The following PIEZO2 variants were observed in gnomAD, a reference collection of about 807,000 sequenced individuals.
The protein encoded by PIEZO2 is piezo type mechanosensitive ion channel component 2.
A neutral mutation model predicts 337.3 loss-of-function variants in PIEZO2; 172 were observed. That is an observed-to-expected ratio of 0.51 (90% CI 0.45 to 0.58). The LOEUF (loss-of-function observed/expected upper bound fraction) is 0.58, where lower values mean the gene tolerates loss of function less well. Among genes scored for constraint, PIEZO2 ranks in the 20% least tolerant of loss-of-function variants. PIEZO2 has a pLI of 0.00. For missense variants in PIEZO2, 3,028 were observed against 3,391.3 expected, an observed-to-expected ratio of 0.89 and a Z score of 2.66; for synonymous variants, 1,251 against 1,228.5, an observed-to-expected ratio of 1.02 and a Z score of -0.38.
rs1008166026 is a variant in PIEZO2 at position 11,110,810 on chromosome 18, C to A, written c.64+37715G>T. On this transcript the variant is annotated intron_variant, in intron 1 of 55. Coordinates refer to ENST00000674853, the MANE Select transcript of PIEZO2 (RefSeq NM_001378183.1). This position sits in a 1 kb window ranked among gnomAD's most constrained non-coding sequence, Gnocchi z 4.2. ...TTCCTTTGGAACACACAGTATTGAC[C>A]AGCACAGTGTTTTAAACTTGAAGTA... is the stretch of plus-strand genomic sequence containing the variant. 2.6e-5 allele frequency among the ~76,000 whole-genome samples: 4 copies of A among 151,972 alleles called. No homozygotes were observed. Among genetic ancestry groups the A allele is most frequent in the Non-Finnish European group, 5.9e-5 (4 of 67,980 alleles).
At position 11,033,910 on chromosome 18, in the gene PIEZO2, G is replaced by A. The variant is rs1014053891; in HGVS notation, c.160+32217C>T. ...AAATATTATCTTCAGACTTTACCGG[G>A]TTGGTTTATAACTTTAATACCTGAA... On this transcript the variant is annotated intron_variant, in intron 2 of 55. Coordinates refer to ENST00000674853, the MANE Select transcript of PIEZO2 (RefSeq NM_001378183.1). This position sits in a 1 kb window ranked among gnomAD's most constrained non-coding sequence, Gnocchi z 4.2. Among the ~76,000 whole-genome samples, 6 of 151,896 alleles carry A rather than the reference G, an allele frequency of 4.0e-5. No homozygotes were observed. Among genetic ancestry groups the A allele is most frequent in the Non-Finnish European group, 8.8e-5 (6 of 68,002 alleles).
chr18:10,764,585 G>A (rs554195322), intron 21 of PIEZO2, among the ~76,000 whole-genome samples: 4 of 86,968 alleles, frequency 4.6e-5, no homozygotes, highest in African/African-American at 2.3e-4. Context: ...GTGACACTAC[G>A]TCTCAAAAAA....
chr18:11,136,863 A>T (rs1009007094), intron 1 of PIEZO2, among the ~76,000 whole-genome samples: 3 of 152,314 alleles, frequency 2.0e-5, no homozygotes. Flanking sequence ...AACTGATTAC[A>T]TTCAGTATTT....
intron 3 of PIEZO2, among the ~76,000 whole-genome samples, chr18:10,956,159 A>C (rs79796171): frequency 0.025 from 3,865 of 152,296 alleles, 179 homozygotes; most frequent in African/African-American, 0.088. Context: ...CATGATTTTC[A>C]AAAAATGTCA....
chr18:10,748,255 C>T lies in PIEZO2; in HGVS notation c.4424+216G>A, dbSNP rs1021738120. ...AGTGAACCTCTGGCCTTCCATGGCA[C>T]CCCCATTCCTTGAGAAGTCTGATGG... On this transcript the variant is annotated intron_variant, in intron 30 of 55. Coordinates refer to ENST00000674853, the MANE Select transcript of PIEZO2 (RefSeq NM_001378183.1). The surrounding 1 kb of genome is among the most constrained non-coding windows in gnomAD (Gnocchi z 5.1). Among the ~76,000 whole-genome samples, 3 of 152,136 alleles carry T rather than the reference C, an allele frequency of 2.0e-5. No individual in the cohort carries two copies. Among genetic ancestry groups the T allele is most frequent in the Non-Finnish European group, 2.9e-5 (2 of 68,026 alleles).
chr18:10,782,219 A>G (rs12956823), intron 17 of PIEZO2, among the ~76,000 whole-genome samples: 6,755 of 132,086 alleles, frequency 0.051, 212 homozygotes, highest in African/African-American at 0.077. Flanking sequence ...AATTATATAT[A>G]TCATAATATA....
chr18:10,886,522 T>TATATATAC (rs2042614127), intron 4 of PIEZO2, among the ~76,000 whole-genome samples: 2 of 48,584 alleles, frequency 4.1e-5, no homozygotes, highest in Non-Finnish European at 3.9e-5. Context: ...TATATATATA[T>TATATATAC]GATGTTTCTC....
chr18:10,786,704 T>A (rs1398485660), intron 16 of PIEZO2, among the ~76,000 whole-genome samples: 1 of 152,248 alleles, frequency 6.6e-6, no homozygotes, highest in African/African-American at 2.4e-5. Flanking sequence ...TACTTTATGT[T>A]ATAAGTGCAT....
chr18:11,079,754 G>A (rs112711155), intron 1 of PIEZO2, among the ~76,000 whole-genome samples: 1 of 152,162 alleles, frequency 6.6e-6, no homozygotes, highest in Non-Finnish European at 1.5e-5. Flanking sequence ...TGTTTGTCTC[G>A]TCTCTCATAA....
chr18:10,975,385 G>A (rs1349155291), intron 3 of PIEZO2, among the ~76,000 whole-genome samples: 2 of 151,972 alleles, frequency 1.3e-5, no homozygotes, highest in South Asian at 2.1e-4. Flanking sequence ...TTTAGTAAGC[G>A]GCACAACATA....
rs1049011199 is a variant in PIEZO2 at position 10,795,033 on chromosome 18, T to C, written c.1528-31A>G. The stretch of plus-strand genomic sequence containing the variant: ...GAGGACAGAAAAGGAAACACGACCA[T>C]GGTCAATACAATGCTCAGTCCCCCC... On this transcript the variant is annotated intron_variant, in intron 12 of 55. Transcript: ENST00000674853. The surrounding 1 kb of genome is among the most constrained non-coding windows in gnomAD (Gnocchi z 4.4). 53 of 1,518,750 alleles carry C rather than the reference T, an allele frequency of 3.5e-5. No individual in the cohort carries two copies. The highest frequency in any genetic ancestry group is 4.4e-5 in the Non-Finnish European group (49 of 1,124,034). The allele number at this position is 1,518,750 out of a possible 1,614,324, so 94.1% of individuals were successfully genotyped here. A position where few individuals can be genotyped will look rare whatever the true frequency, so the allele number is the denominator to read the frequency against.
rs1163175997 is a variant in PIEZO2, at chr18:10,672,881, G to A, written c.8162-8C>T. On this transcript the variant is annotated splice_region_variant and splice_polypyrimidine_tract_variant and intron_variant, in intron 54 of 55. Transcript: ENST00000674853. The surrounding 1 kb of genome is among the most constrained non-coding windows in gnomAD (Gnocchi z 4.7). The stretch of plus-strand genomic sequence containing the variant: ...TATCCATGAAATTATTTTCTAGAAG[G>A]GTAGAAATGCAAAATTAAGTTGACA... 1.9e-6 allele frequency: 3 copies of A among 1,583,186 alleles called. No individual in the cohort carries two copies. Among genetic ancestry groups the A allele is most frequent in the Admixed American group, 3.7e-5 (2 of 53,990 alleles).
At chr18:11,075,407 G>A (rs2038493302) in intron 1 of PIEZO2, among the ~76,000 whole-genome samples, 1 of 152,238 alleles carries the variant, frequency 6.6e-6, no homozygotes, top group South Asian at 2.1e-4. Flanking sequence ...AGGCTGTTAT[G>A]TCACCTGATT....
chr18:10,698,301 A>G (rs1212703901), intron 44 of PIEZO2, among the ~76,000 whole-genome samples: 1 of 152,134 alleles, frequency 6.6e-6, no homozygotes, highest in East Asian at 1.9e-4. Context: ...CACTGCATGG[A>G]AAGCTTCAGA....
Position 11,066,135 on chromosome 18 carries a change from G to C in PIEZO2, c.152C>G (p.Thr51Arg), listed in dbSNP as rs371432372. 2 of 1,531,848 alleles carry C rather than the reference G, an allele frequency of 1.3e-6. No homozygotes were observed. The highest frequency in any genetic ancestry group is 1.8e-6 in the Non-Finnish European group (2 of 1,142,128). 94.9% of individuals were successfully genotyped at this position (1,531,848 alleles called of 1,614,324 possible). ...TAACAAAATTCTCTTACCTTGCATC[G>C]TCGTTTTTGTTGGTTCTGAGAACAG... ...IPLFSEPTKT[T>R]MQGHTGRLLK... is the part of the protein sequence containing the mutation. The change falls in exon 2 of 56, where the codon ACG (threonine) becomes AGG (arginine). Residue 51 changes from threonine (T) to arginine (R), a missense_variant. Around this residue, in one of 5 missense-constraint regions of PIEZO2, gnomAD observed 542 missense variants for 605.6 expected, o/e 0.89. Transcript: ENST00000674853.
chr18:10,699,912 A>C (rs879488201), intron 43 of PIEZO2, among the ~76,000 whole-genome samples: 1 of 152,196 alleles, frequency 6.6e-6, no homozygotes, highest in Non-Finnish European at 1.5e-5. Context: ...TGACTCGTAC[A>C]TGGAGGACAA....
intron 4 of PIEZO2, among the ~76,000 whole-genome samples, chr18:10,909,141 G>A (rs1439431569): frequency 6.6e-6 from 1 of 152,244 alleles, no homozygotes; most frequent in Non-Finnish European, 1.5e-5. Flanking sequence ...TGATGGGTTT[G>A]TGTCAAAAGG....
intron 49 of PIEZO2, among the ~76,000 whole-genome samples, chr18:10,684,189 G>A (rs1422060961): frequency 1.5e-4 from 14 of 93,908 alleles, no homozygotes; most frequent in Admixed American, 8.4e-4. Context: ...TTTTTGAGAC[G>A]GAGTCTTGCT....
At chr18:11,020,339 G>C (rs78431945) in intron 2 of PIEZO2, among the ~76,000 whole-genome samples, 3,009 of 152,150 alleles carry the variant, frequency 0.02, 100 homozygotes, top group African/African-American at 0.069. Flanking sequence ...TGATTCCACA[G>C]TCTTCACAAA....
Sources: gnomAD v4.1 joint callset for allele counts (sites outside exome capture counted in the v4.1 genomes callset) on GRCh38, gnomAD v4.1.1 for gene constraint, gnomAD v4.1.1 regional missense constraint, Gnocchi (gnomAD v3.1) non-coding constraint, MANE v1.5 for transcripts, NCBI Gene and HGNC (gene_info 2026-07-23, HGNC 2026-07-21) for gene names.